The following CHST15 variants were observed in gnomAD, a reference collection of about 807,000 sequenced individuals.
CHST15 encodes the protein carbohydrate sulfotransferase 15, also known as B cell RAG associated protein (GALNAC4S-6ST).
A neutral mutation model predicts 53.6 loss-of-function variants in CHST15; 30 were observed. The observed-to-expected ratio is 0.56, with a 90% CI of 0.42 to 0.76. The LOEUF (loss-of-function observed/expected upper bound fraction) is 0.76. Ranked by LOEUF, CHST15 falls within the 30% of genes least tolerant of loss-of-function variation. The probability of loss-of-function intolerance (pLI) is 0.00; values close to 1 mark genes in which losing one functional copy is unlikely to be tolerated. For synonymous variants in CHST15, 296 were observed against 289.8 expected (o/e 1.02, Z -0.22); for missense variants, 627 against 740.5 (o/e 0.85, Z 1.78).
At position 124,045,949 on chromosome 10, in the gene CHST15, T is replaced by A; in HGVS notation, c.264A>T (p.Ile88=). The change falls in exon 2 of 8, where the codon ATA becomes ATT. Residue 88 remains isoleucine, a synonymous_variant. Transcript: ENST00000435907. ...KRCSLVFGLI[I]MTLVMASYIL... is the part of the protein sequence containing the mutation. ...TGTAAGAAGCCATTACCAAGGTCAT[T>A]ATTATCAGTCCAAAAACGAGGCTAC... 2 of 1,614,006 alleles carry A rather than the reference T, an allele frequency of 1.2e-6. No individual in the cohort carries two copies. Among genetic ancestry groups the A allele is most frequent in the African/African-American group, 1.3e-5 (1 of 74,964 alleles).
intron 1 of CHST15, among the ~76,000 whole-genome samples, chr10:124,067,390 C>G (rs542621815): frequency 6.6e-6 from 1 of 152,312 alleles, no homozygotes; most frequent in African/African-American, 2.4e-5. Context: ...GCCGCTAGAA[C>G]AGAAGCTCAG....
intron 1 of CHST15, among the ~76,000 whole-genome samples, chr10:124,062,011 TAAAAA>T (rs57594474): frequency 3.5e-5 from 5 of 142,184 alleles, no homozygotes; most frequent in African/African-American, 1.3e-4. Flanking sequence ...TATAAATCAT[TAAAAA>T]AAAAAAAAAA....
At chr10:124,020,448 C>T (rs1946733371) in intron 6 of CHST15, 13 of 985,496 alleles carry the variant, frequency 1.3e-5, no homozygotes, top group Non-Finnish European at 1.6e-5. Context: ...CACCTGCTGC[C>T]CCTGCATGCT....
intron 5 of CHST15, among the ~76,000 whole-genome samples, chr10:124,032,829 G>A (rs561494087): frequency 7.0e-4 from 97 of 138,230 alleles, no homozygotes; most frequent in Non-Finnish European, 1.3e-3. Context: ...AAAAAAAAAT[G>A]GACTTGCCAC....
At chr10:124,016,798 T>C (rs1946601296) in intron 6 of CHST15, among the ~76,000 whole-genome samples, 1 of 152,206 alleles carries the variant, frequency 6.6e-6, no homozygotes, top group Admixed American at 6.5e-5. Flanking sequence ...GGACAGGGGC[T>C]GGCAGTAATG....
intron 1 of CHST15, among the ~76,000 whole-genome samples, chr10:124,077,850 G>C (rs1463498633): frequency 6.6e-6 from 1 of 152,190 alleles, no homozygotes; most frequent in African/African-American, 2.4e-5. Context: ...ACAGAGGGAG[G>C]CAGGCACAGC....
chr10:124,058,159 CCAA>C (rs10553783), intron 1 of CHST15, among the ~76,000 whole-genome samples: 3,511 of 152,242 alleles, frequency 0.023, 133 homozygotes, highest in African/African-American at 0.079. Flanking sequence ...CTCCGGTTTT[CCAA>C]TAAGGCAGAG....
chr10:124,067,431 T>A (rs1189383141), intron 1 of CHST15, among the ~76,000 whole-genome samples: 2 of 152,206 alleles, frequency 1.3e-5, no homozygotes, highest in East Asian at 3.9e-4. Context: ...GAGATCACAC[T>A]GTCGGAACCT....
At position 124,077,317 on chromosome 10, in the gene CHST15, C is replaced by T. The variant is rs141944123; in HGVS notation, c.-513+16152G>A. 1.4e-3 allele frequency among the ~76,000 whole-genome samples: 212 copies of T among 152,312 alleles called. 1 individual carries two copies. Among genetic ancestry groups the T allele is most frequent in the Non-Finnish European group, 2.5e-3 (172 of 68,026 alleles). On this transcript the variant is annotated intron_variant, in intron 1 of 7. Coordinates refer to ENST00000435907, the MANE Select transcript of CHST15 (RefSeq NM_001270764.2). ...GGATAGCAAAGGCTGTTTCCATGAG[C>T]CTGTTTATCATAAGTCTGATCTCGA...
At chr10:124,020,130 C>T in intron 6 of CHST15, 1 of 985,582 alleles carries the variant, frequency 1.0e-6, no homozygotes, top group Non-Finnish European at 1.2e-6. Context: ...CCCCAGGACC[C>T]AGCGTCATGC....
At chr10:124,021,180 C>T (rs776429824) in intron 6 of CHST15, 76 bp downstream of exon 6, 26 of 1,555,526 alleles carry the variant, frequency 1.7e-5, no homozygotes, top group South Asian at 4.7e-5. Context: ...CCCACAATGC[C>T]GCTTGCATAA....
intron 1 of CHST15, among the ~76,000 whole-genome samples, chr10:124,088,389 G>A (rs1020810717): frequency 1.3e-5 from 2 of 152,236 alleles, no homozygotes; most frequent in South Asian, 2.1e-4. Context: ...CTGGCCCAGG[G>A]TTGCAGGGCA....
chr10:124,020,544 A>C (rs1590191075), intron 6 of CHST15: 1 of 985,240 alleles, frequency 1.0e-6, no homozygotes, highest in Admixed American at 6.1e-5. Context: ...GGCTTCCAAG[A>C]CTCCACAGCA....
chr10:124,042,293 C>T lies in CHST15; in HGVS notation c.1033+8G>A, dbSNP rs28716482. ...GCTAGCCCTGCCAGAGTGACACAGA[C>T]GCCTTACCGATAATGATTGTATTCA... On this transcript the variant is annotated splice_region_variant and intron_variant, in intron 4 of 7. Transcript: ENST00000435907. 1.0e-4 allele frequency: 162 copies of T among 1,605,042 alleles called. No homozygotes were observed. The Admixed American group carries it at 2.6e-3, about 25-fold the overall frequency.
rs1277397639 is a variant in CHST15, at chr10:124,081,862, T to A, written c.-513+11607A>T. Among the ~76,000 whole-genome samples the A allele has an allele frequency of 3.3e-5, 5 of 152,330 alleles. No homozygotes were observed. In the East Asian group the frequency reaches 9.7e-4, roughly 29 times the overall value. On this transcript the variant is annotated intron_variant, in intron 1 of 7. Transcript: ENST00000435907. ...TACCCTTGAAAAAACAACTTCCTAA[T>A]GTATCCTGGAGTCACAATTACAGCC...
chr10:124,090,361 G>C (rs370306051), intron 1 of CHST15, among the ~76,000 whole-genome samples: 2 of 152,188 alleles, frequency 1.3e-5, no homozygotes, highest in East Asian at 1.9e-4. Flanking sequence ...GGACAGCCCT[G>C]GGGTCTCCCT....
intron 1 of CHST15, among the ~76,000 whole-genome samples, chr10:124,071,431 T>C (rs1047068089): frequency 6.6e-6 from 1 of 152,146 alleles, no homozygotes; most frequent in Non-Finnish European, 1.5e-5. Context: ...TCCAACTCCC[T>C]AGCACTCTGA....
intron 6 of CHST15, 63 bp from the exon 7 acceptor site, chr10:124,012,543 T>C: frequency 1.3e-6 from 2 of 1,534,976 alleles, no homozygotes; most frequent in Non-Finnish European, 1.8e-6. Context: ...AGGGCACTTT[T>C]CCAAAGTGGT....
intron 1 of CHST15, among the ~76,000 whole-genome samples, chr10:124,091,833 A>T (rs1373133261): frequency 6.6e-6 from 1 of 151,804 alleles, no homozygotes; most frequent in Non-Finnish European, 1.5e-5. Flanking sequence ...CTGGGCGCGG[A>T]CCTCCAGCCG....
Sources: gnomAD v4.1 joint callset for allele counts (sites outside exome capture counted in the v4.1 genomes callset) on GRCh38, gnomAD v4.1.1 for gene constraint, MANE v1.5 for transcripts, NCBI Gene and HGNC (gene_info 2026-07-23, HGNC 2026-07-21) for gene names.